LUC7L2: variants seen among roughly 807,000 people sequenced by gnomAD.
The protein encoded by LUC7L2 is putative RNA-binding protein Luc7-like 2.
Under a neutral mutation model 52.8 loss-of-function variants are expected in LUC7L2, and 25 were observed. The observed-to-expected ratio is 0.47, with a 90% CI of 0.34 to 0.66. The LOEUF (loss-of-function observed/expected upper bound fraction) is 0.66. Among genes scored for constraint, LUC7L2 ranks in the 30% least tolerant of loss-of-function variants. The pLI is 0.01. For synonymous variants in LUC7L2, 144 were observed against 160.9 expected (o/e 0.89, Z 0.80); for missense variants, 328 against 497.8 (o/e 0.66, Z 3.25).
At chr7:139,389,360 C>T (rs1794332364) in intron 2 of LUC7L2, among the ~76,000 whole-genome samples, 1 of 152,114 alleles carries the variant, frequency 6.6e-6, no homozygotes, top group Admixed American at 6.6e-5. Flanking sequence ...GGCCTGTGGG[C>T]CAGTATAATC....
intron 1 of LUC7L2, among the ~76,000 whole-genome samples, chr7:139,343,286 A>T (rs1484493939): frequency 6.6e-6 from 1 of 152,244 alleles, no homozygotes; most frequent in African/African-American, 2.4e-5. Flanking sequence ...TAAAAAGTTA[A>T]ATTTGTATTA....
At chr7:139,410,892 A>G (rs1795331708) in intron 7 of LUC7L2, among the ~76,000 whole-genome samples, 1 of 152,224 alleles carries the variant, frequency 6.6e-6, no homozygotes, top group Admixed American at 6.5e-5. Flanking sequence ...CAGTGAAACA[A>G]AACTACATGT....
chr7:139,382,787 A>G, intron 2 of LUC7L2, among the ~76,000 whole-genome samples: 1 of 152,230 alleles, frequency 6.6e-6, no homozygotes, highest in East Asian at 1.9e-4. Flanking sequence ...ATGTTGCCCC[A>G]GTAGGTTCCG....
At chr7:139,348,843 T>G (rs11772447) in intron 1 of LUC7L2, among the ~76,000 whole-genome samples, 36,764 of 152,022 alleles carry the variant, frequency 0.24, 4,780 homozygotes, top group African/African-American at 0.34. Flanking sequence ...AAGGTTGTTG[T>G]AATAATTGAG....
intron 1 of LUC7L2, chr7:139,374,873 T>C: frequency 1.0e-6 from 1 of 996,936 alleles, no homozygotes; most frequent in Middle Eastern, 5.1e-4. Flanking sequence ...TTTTTTGTTA[T>C]TTACATGTGA....
chr7:139,409,734 T>C, intron 7 of LUC7L2, 80 bp downstream of exon 7: 1 of 1,456,236 alleles, frequency 6.9e-7, no homozygotes, highest in Non-Finnish European at 9.1e-7. Flanking sequence ...AAATTTTAGA[T>C]GGTGATAAAT....
chr7:139,340,739 C>T (rs1023535123), intron 1 of LUC7L2: 1 of 381,186 alleles, frequency 2.6e-6, no homozygotes, highest in Non-Finnish European at 4.6e-6. Context: ...GCCTCCTAAG[C>T]CAGGGATTGT....
chr7:139,422,160 C>T lies in LUC7L2; in HGVS notation c.1002-3C>T. On this transcript the variant is annotated splice_polypyrimidine_tract_variant and splice_region_variant and intron_variant, in intron 9 of 9. Transcript: ENST00000354926. Reference sequence around the variant, plus strand: ...TTTTGCTCCTCAAATTAATATTTTTCAGATCCTCAAAAGAAAGATTCAGAG... The same window carrying T: ...TTTTGCTCCTCAAATTAATATTTTTTAGATCCTCAAAAGAAAGATTCAGAG... The T allele has an allele frequency of 6.3e-7, 1 of 1,587,188 alleles. No homozygotes were observed. Among genetic ancestry groups the T allele is most frequent in the Non-Finnish European group, 8.5e-7 (1 of 1,172,014 alleles).
intron 3 of LUC7L2, among the ~76,000 whole-genome samples, chr7:139,399,808 CAAGAAATGG>C (rs1794826520): frequency 6.6e-6 from 1 of 151,782 alleles, no homozygotes; most frequent in African/African-American, 2.4e-5. Flanking sequence ...AATGAAAAAC[CAAGAAATGG>C]AAGACACCAT....
At chr7:139,400,266 G>A (rs1242643527) in intron 3 of LUC7L2, among the ~76,000 whole-genome samples, 1 of 152,072 alleles carries the variant, frequency 6.6e-6, no homozygotes, top group Admixed American at 6.6e-5. Context: ...CAGCACTTTG[G>A]GAGGCCGAGG....
intron 5 of LUC7L2, 82 bp from the exon 6 acceptor site, chr7:139,407,092 G>A: frequency 8.6e-7 from 1 of 1,158,138 alleles, no homozygotes; most frequent in Non-Finnish European, 1.1e-6. Context: ...AAACACTTTT[G>A]GTATAAGCAT....
chr7:139,360,483 C>T (rs1031412925), intron 1 of LUC7L2, among the ~76,000 whole-genome samples, 161 bp downstream of exon 1: 6 of 152,306 alleles, frequency 3.9e-5, no homozygotes, highest in Middle Eastern at 3.4e-3. Flanking sequence ...CAGGGCTCGG[C>T]AGGCGGGCAG....
At chr7:139,414,227 A>G (rs919865988) in intron 8 of LUC7L2, among the ~76,000 whole-genome samples, 5 of 152,154 alleles carry the variant, frequency 3.3e-5, no homozygotes, top group Non-Finnish European at 5.9e-5. Context: ...TGATTCTCCA[A>G]AGGTTTTTCA....
intron 8 of LUC7L2, 66 bp downstream of exon 8, chr7:139,412,646 A>G: frequency 6.5e-7 from 1 of 1,530,282 alleles, no homozygotes; most frequent in Non-Finnish European, 8.8e-7. Flanking sequence ...GTTTTTATAG[A>G]TTGATTAAAT....
chr7:139,345,008 C>T (rs6943392), intron 1 of LUC7L2: 22,040 of 152,126 alleles, frequency 0.14, 4,005 homozygotes, highest in African/African-American at 0.43. Context: ...CCACCGCGCC[C>T]GGCCAAGTTT....
intron 1 of LUC7L2, chr7:139,341,232 C>T (rs1247246100): frequency 3.7e-6 from 5 of 1,339,144 alleles, no homozygotes; most frequent in South Asian, 1.6e-5. Context: ...TAATAAGGTT[C>T]GGTCAACGGA....
intron 2 of LUC7L2, among the ~76,000 whole-genome samples, chr7:139,383,833 A>G (rs1585098618): frequency 6.7e-6 from 1 of 148,520 alleles, no homozygotes; most frequent in East Asian, 2.0e-4. Flanking sequence ...TCCTGGGTTC[A>G]GGTGATTCTC....
intron 1 of LUC7L2, chr7:139,375,490 C>G (rs1800663557): frequency 1.0e-6 from 1 of 985,384 alleles, no homozygotes; most frequent in Admixed American, 6.2e-5. Flanking sequence ...ATTCTACCCT[C>G]TCTAACTCCT....
intron 8 of LUC7L2, chr7:139,415,975 TCAAATTATGAG>T (rs1795581115): frequency 7.6e-6 from 1 of 131,896 alleles, no homozygotes; most frequent in African/African-American, 3.1e-5. Context: ...ACTTGCTGTA[TCAAATTATGAG>T]CAAACCTCAC....
Sources: allele counts gnomAD v4.1 joint callset (sites outside exome capture counted in the v4.1 genomes callset), GRCh38; gene constraint gnomAD v4.1.1; transcripts MANE v1.5; gene names NCBI Gene and HGNC (gene_info 2026-07-23, HGNC 2026-07-21).